ACOT13: variants seen among roughly 807,000 people sequenced by gnomAD.
ACOT13 encodes acyl-CoA thioesterase 13, also known as acyl-coenzyme A thioesterase 13.
A neutral mutation model predicts 11.8 loss-of-function variants in ACOT13; 10 were observed. The observed-to-expected ratio is 0.85, with a 90% CI of 0.53 to 1.44. The LOEUF (loss-of-function observed/expected upper bound fraction) is 1.44, where lower values mean the gene tolerates loss of function less well. Ranked by LOEUF, ACOT13 falls within the 40% of genes most tolerant of loss-of-function variation. The pLI is 0.00. For synonymous variants in ACOT13, 53 were observed against 61.0 expected (o/e 0.87, Z 0.61); for missense variants, 172 against 174.1 (o/e 0.99, Z 0.07).
rs889085523 is a variant in ACOT13, at chr6:24,667,432, A to G, written c.81+88A>G. 7.4e-6 allele frequency: 9 copies of G among 1,224,116 alleles called. No individual in the cohort carries two copies. In the African/African-American group the frequency reaches 1.3e-4, roughly 18 times the overall value. The allele number at this position is 1,224,116 out of a possible 1,614,324, so 75.8% of individuals were successfully genotyped here. On this transcript the variant is annotated intron_variant, in intron 1 of 2. Coordinates refer to ENST00000230048, the MANE Select transcript of ACOT13 (RefSeq NM_018473.4). The stretch of plus-strand genomic sequence containing the variant: ...GTGCCGTTGTGAGCTTTGAATAATT[A>G]TCTCTTGTTAGGTTGTGTTCTAGTA...
At chr6:24,677,812 T>G (rs796540577) in intron 1 of ACOT13, among the ~76,000 whole-genome samples, 12 of 152,326 alleles carry the variant, frequency 7.9e-5, no homozygotes, top group African/African-American at 2.9e-4. Flanking sequence ...CAAGGAACCC[T>G]CTTAGTTGCT....
At chr6:24,687,569 C>T (rs765915357) in intron 1 of ACOT13, 10 of 1,443,390 alleles carry the variant, frequency 6.9e-6, no homozygotes, top group Non-Finnish European at 7.3e-6. Flanking sequence ...AAGGTGAATA[C>T]CTGAATGAGA....
At position 24,701,633 on chromosome 6, in the gene ACOT13, C is replaced by T; in HGVS notation, c.*18C>T. The T allele has an allele frequency of 6.3e-7, 1 of 1,582,478 alleles. No individual in the cohort carries two copies. Among genetic ancestry groups the T allele is most frequent in the Non-Finnish European group, 8.6e-7 (1 of 1,163,828 alleles). On this transcript the variant is annotated 3_prime_UTR_variant, in exon 3 of 3. Coordinates refer to ENST00000230048, the MANE Select transcript of ACOT13 (RefSeq NM_018473.4). ...GAAACTGAGAGAACAGCAGAATGACCTAAAGAAACCCAACAATGAATATCA... is the reference window on the plus strand; with the variant it reads ...GAAACTGAGAGAACAGCAGAATGACTTAAAGAAACCCAACAATGAATATCA...
intron 1 of ACOT13, among the ~76,000 whole-genome samples, chr6:24,672,747 C>G (rs1055105675): frequency 6.6e-6 from 1 of 152,146 alleles, no homozygotes; most frequent in African/African-American, 2.4e-5. Flanking sequence ...TTACAGGGGC[C>G]CATAAGCTGA....
At chr6:24,692,001 G>C (rs1033125027) in intron 1 of ACOT13, among the ~76,000 whole-genome samples, 5 of 152,180 alleles carry the variant, frequency 3.3e-5, no homozygotes, top group African/African-American at 4.8e-5. Flanking sequence ...CTAAACATGG[G>C]GATGGTGGCA....
rs1778927258 is a variant in ACOT13 at position 24,703,315 on chromosome 6, C to A, written c.*1700C>A. 1 of 152,256 alleles carries A rather than the reference C, an allele frequency of 6.6e-6. No individual in the cohort carries two copies. Among genetic ancestry groups the A allele is most frequent in the South Asian group, 2.1e-4 (1 of 4,834 alleles). The allele number at this position is 152,256 out of a possible 1,614,324, so 9.4% of individuals were successfully genotyped here. On this transcript the variant is annotated 3_prime_UTR_variant, in exon 3 of 3. Coordinates refer to ENST00000230048, the MANE Select transcript of ACOT13 (RefSeq NM_018473.4). ...TCCCTACATTAGATCGCCTGCTGATCTGTCCACTGTGAAAGGGCAGAAGAC... is the reference window on the plus strand; with the variant it reads ...TCCCTACATTAGATCGCCTGCTGATATGTCCACTGTGAAAGGGCAGAAGAC...
intron 1 of ACOT13, among the ~76,000 whole-genome samples, chr6:24,673,908 GTA>G (rs1778403120): frequency 1.7e-5 from 1 of 57,816 alleles, no homozygotes; most frequent in African/African-American, 4.2e-5. Flanking sequence ...TTACCATACA[GTA>G]TTCTTTCTCA....
intron 1 of ACOT13, among the ~76,000 whole-genome samples, chr6:24,697,208 C>T (rs1032939778): frequency 8.5e-5 from 13 of 152,230 alleles, no homozygotes; most frequent in African/African-American, 3.1e-4. Context: ...GTTACATTTA[C>T]ACTTTATACT....
intron 1 of ACOT13, among the ~76,000 whole-genome samples, chr6:24,696,637 C>CA (rs1162397367): frequency 2.0e-5 from 3 of 152,206 alleles, no homozygotes; most frequent in Admixed American, 2.0e-4. Context: ...GGATGCAGCA[C>CA]ATTCCACTCA....
chr6:24,699,208 CTTTT>C (rs1248890393), intron 2 of ACOT13, among the ~76,000 whole-genome samples: 4 of 127,106 alleles, frequency 3.1e-5, no homozygotes, highest in East Asian at 4.5e-4. Context: ...ATAATGTAGG[CTTTT>C]TTTTTTTTTT....
chr6:24,700,045 T>C (rs185759912), intron 2 of ACOT13, among the ~76,000 whole-genome samples: 20 of 152,348 alleles, frequency 1.3e-4, no homozygotes, highest in Non-Finnish European at 2.8e-4. Context: ...TTGATTTACT[T>C]GACATGGTAC....
chr6:24,690,505 C>A (rs145714789), intron 1 of ACOT13, among the ~76,000 whole-genome samples: 4 of 152,278 alleles, frequency 2.6e-5, no homozygotes, highest in Non-Finnish European at 5.9e-5. Flanking sequence ...CTGCCACTTA[C>A]CAGCCTTTGG....
intron 1 of ACOT13, among the ~76,000 whole-genome samples, chr6:24,685,432 C>T (rs1484681270): frequency 6.7e-6 from 1 of 150,288 alleles, no homozygotes; most frequent in South Asian, 2.1e-4. Context: ...CTGCAAGCTC[C>T]GCCTCCCGGG....
intron 1 of ACOT13, among the ~76,000 whole-genome samples, chr6:24,685,332 CTTT>C (rs563020332): frequency 3.4e-5 from 4 of 116,756 alleles, no homozygotes; most frequent in African/African-American, 9.2e-5. Flanking sequence ...TTTTACTGTA[CTTT>C]TTTTTTTTTT....
At chr6:24,687,490 A>T in intron 1 of ACOT13, 1 of 1,372,870 alleles carries the variant, frequency 7.3e-7, no homozygotes, top group Middle Eastern at 1.9e-4. Flanking sequence ...TCCAACACAC[A>T]TAGAAATAAG....
chr6:24,674,504 G>A (rs1282675017), intron 1 of ACOT13, among the ~76,000 whole-genome samples: 2 of 152,256 alleles, frequency 1.3e-5, no homozygotes, highest in Admixed American at 1.3e-4. Context: ...TGCTTCCTGT[G>A]TTCAAGTTAT....
chr6:24,673,573 C>A (rs1233532482), intron 1 of ACOT13, among the ~76,000 whole-genome samples: 1 of 152,116 alleles, frequency 6.6e-6, no homozygotes, highest in Non-Finnish European at 1.5e-5. Context: ...GTTGGCCGGG[C>A]TAGTCTACAA....
intron 1 of ACOT13, among the ~76,000 whole-genome samples, chr6:24,688,472 C>T (rs1374312402): frequency 2.0e-5 from 3 of 147,602 alleles, no homozygotes; most frequent in African/African-American, 5.0e-5. Flanking sequence ...CCCAGGAGGT[C>T]GAGGCTGCAG....
At chr6:24,697,142 T>A (rs1344685585) in intron 1 of ACOT13, among the ~76,000 whole-genome samples, 1 of 152,248 alleles carries the variant, frequency 6.6e-6, no homozygotes, top group Non-Finnish European at 1.5e-5. Flanking sequence ...TTCCTTATAC[T>A]TACTATAAAT....
Sources: allele counts gnomAD v4.1 joint callset (sites outside exome capture counted in the v4.1 genomes callset), GRCh38; gene constraint gnomAD v4.1.1; transcripts MANE v1.5; gene names NCBI Gene and HGNC (gene_info 2026-07-23, HGNC 2026-07-21).